Variants in PPP6C observed in about 807,000 individuals in gnomAD.
PPP6C encodes the protein serine/threonine-protein phosphatase 6 catalytic subunit.
A neutral mutation model predicts 39.8 loss-of-function variants in PPP6C; 11 were observed. The observed-to-expected ratio is 0.28, with a 90% CI of 0.17 to 0.46. The LOEUF is 0.46. PPP6C is among the 20% of genes least tolerant of loss of function. The pLI is 1.00. For missense variants in PPP6C, 211 were observed against 373.9 expected, an observed-to-expected ratio of 0.56 and a Z score of 3.59; for synonymous variants, 129 against 130.3, an observed-to-expected ratio of 0.99 and a Z score of 0.07.
Position 125,149,307 on chromosome 9 carries a change from G to A in PPP6C, c.*366C>T, listed in dbSNP as rs1835880914. 1 of 169,238 alleles carries A rather than the reference G, an allele frequency of 5.9e-6. No individual in the cohort carries two copies. The highest frequency in any genetic ancestry group is 6.1e-5 in the Admixed American group (1 of 16,334). 10.5% of individuals were successfully genotyped at this position (169,238 alleles called of 1,614,324 possible). A position where few individuals can be genotyped will look rare whatever the true frequency, so the allele number is the denominator to read the frequency against. The stretch of plus-strand genomic sequence containing the variant: ...ACCAAACTAAAACAAAAGGCTGAAT[G>A]ATACAAAAGGAGGAGTATTTAGGTG... On this transcript the variant is annotated 3_prime_UTR_variant, in exon 7 of 7. Coordinates refer to ENST00000373547, the MANE Select transcript of PPP6C (RefSeq NM_002721.5).
intron 1 of PPP6C, 164 bp downstream of exon 1, chr9:125,189,480 C>T: frequency 4.8e-6 from 7 of 1,448,164 alleles, no homozygotes; most frequent in Non-Finnish European, 6.4e-6. Context: ...CGACTCGGCT[C>T]GCGAGACCCT....
chr9:125,184,784 C>A (rs969347387), intron 1 of PPP6C, among the ~76,000 whole-genome samples: 2 of 151,754 alleles, frequency 1.3e-5, no homozygotes, highest in Non-Finnish European at 2.9e-5. Context: ...ACCAGCCTGG[C>A]CAACATGGTG....
intron 1 of PPP6C, among the ~76,000 whole-genome samples, chr9:125,172,928 G>A (rs1829207741): frequency 6.6e-6 from 1 of 152,078 alleles, no homozygotes; most frequent in African/African-American, 2.4e-5. Context: ...GGGGAAAACT[G>A]GGTTATTTTG....
At chr9:125,159,264 G>A (rs1828798997) in intron 3 of PPP6C, among the ~76,000 whole-genome samples, 2 of 148,098 alleles carry the variant, frequency 1.4e-5, no homozygotes, top group African/African-American at 5.0e-5. Flanking sequence ...GGTCAGGCTG[G>A]TCTCAAACTC....
rs190215396 is a variant in PPP6C, at chr9:125,146,838, G to A, written c.*2835C>T. The A allele has an allele frequency of 6.6e-6, 1 of 152,308 alleles. No homozygotes were observed. Among genetic ancestry groups the A allele is most frequent in the East Asian group, 1.9e-4 (1 of 5,186 alleles). 9.4% of individuals were successfully genotyped at this position (152,308 alleles called of 1,614,324 possible). A position where few individuals can be genotyped will look rare whatever the true frequency, so the allele number is the denominator to read the frequency against. Reference sequence around the variant, plus strand: ...ACAATTTCCTGGAAGCTGATGGAAAGTGATTCTATTTCTGACAATGAAAGA... The same window carrying A: ...ACAATTTCCTGGAAGCTGATGGAAAATGATTCTATTTCTGACAATGAAAGA... On this transcript the variant is annotated 3_prime_UTR_variant, in exon 7 of 7. Coordinates refer to ENST00000373547, the MANE Select transcript of PPP6C (RefSeq NM_002721.5).
chr9:125,166,197 A>G (rs1312923299), intron 2 of PPP6C, among the ~76,000 whole-genome samples: 1 of 152,204 alleles, frequency 6.6e-6, no homozygotes, highest in Non-Finnish European at 1.5e-5. Flanking sequence ...TGCATTTTAT[A>G]TCATCAAAAA....
intron 2 of PPP6C, among the ~76,000 whole-genome samples, chr9:125,168,964 T>C (rs1361243484): frequency 1.3e-5 from 2 of 151,946 alleles, no homozygotes; most frequent in Non-Finnish European, 2.9e-5. Context: ...TTTCACCATG[T>C]TGGCTAGGCT....
At chr9:125,153,449 A>AAG (rs1181709242) in intron 6 of PPP6C, 84 bp downstream of exon 6, 1 of 1,298,818 alleles carries the variant, frequency 7.7e-7, no homozygotes, top group East Asian at 2.5e-5. Context: ...GCTAGACTAC[A>AAG]AGTTTGTTAT....
In PPP6C at chr9:125,149,863, C is replaced by G. The variant is rs1835894918; in HGVS notation, c.728G>C (p.Gly243Ala). 6.2e-7 allele frequency: 1 copy of G among 1,614,128 alleles called. No individual in the cohort carries two copies. The highest frequency in any genetic ancestry group is 8.5e-7 in the Non-Finnish European group (1 of 1,180,022). The change falls in exon 7 of 7, where the codon GGC (glycine) becomes GCC (alanine). Residue 243 changes from glycine (G) to alanine (A), a missense_variant. Gly to Ala is a moderately conservative substitution (Grantham distance 60). Around this residue, in one of 2 missense-constraint regions of PPP6C, gnomAD observed 168 missense variants for 342.6 expected, o/e 0.49. Coordinates refer to ENST00000373547, the MANE Select transcript of PPP6C (RefSeq NM_002721.5). The part of the protein sequence containing the change: ...ICRAHQLVHE[G>A]YKFMFDEKLV... The stretch of plus-strand genomic sequence containing the variant: ...CTTCTCATCAAACATAAATTTATAG[C>G]CTTCGTGCACTAGTTGATGTGCTCT...
chr9:125,160,458 A>G (rs1174748607), intron 3 of PPP6C, among the ~76,000 whole-genome samples: 1 of 152,212 alleles, frequency 6.6e-6, no homozygotes, highest in African/African-American at 2.4e-5. Context: ...TAATTGAATC[A>G]TGGGGGCAAG....
rs1447513890 is a variant in PPP6C at position 125,149,671 on chromosome 9, C to T, written c.*2G>A. On this transcript the variant is annotated 3_prime_UTR_variant, in exon 7 of 7. Transcript: ENST00000373547. ...AATGGGTCAGCAGGATGGGCGAAGG[C>T]CTCAAAGGAAATATGGCGTTGTCGT... 1 of 1,613,362 alleles carries T rather than the reference C, an allele frequency of 6.2e-7. No individual in the cohort carries two copies. The highest frequency in any genetic ancestry group is 8.5e-7 in the Non-Finnish European group (1 of 1,179,408).
At chr9:125,164,356 A>G (rs989197777) in intron 2 of PPP6C, among the ~76,000 whole-genome samples, 9 of 149,390 alleles carry the variant, frequency 6.0e-5, no homozygotes, top group African/African-American at 2.0e-4. Flanking sequence ...CCTCCCAAGT[A>G]GCTGGGACTA....
intron 2 of PPP6C, among the ~76,000 whole-genome samples, chr9:125,162,608 C>T (rs1235464080): frequency 1.3e-5 from 2 of 150,902 alleles, no homozygotes; most frequent in African/African-American, 4.9e-5. Flanking sequence ...CCTGTCTCTA[C>T]TAAAAATACA....
At chr9:125,188,990 G>A (rs1310416671) in intron 1 of PPP6C, 1 of 1,428,196 alleles carries the variant, frequency 7.0e-7, no homozygotes, top group Non-Finnish European at 9.6e-7. Context: ...TGTATTTATT[G>A]AGAACCAACT....
At chr9:125,172,745 A>G (rs1262605763) in intron 1 of PPP6C, among the ~76,000 whole-genome samples, 2 of 144,508 alleles carry the variant, frequency 1.4e-5, no homozygotes, top group Non-Finnish European at 2.9e-5. Flanking sequence ...ACACACACAC[A>G]CACACAAACA....
At chr9:125,154,069 A>G in intron 4 of PPP6C, 84 bp from the exon 5 acceptor site, 1 of 1,055,112 alleles carries the variant, frequency 9.5e-7, no homozygotes, top group Non-Finnish European at 1.4e-6. Context: ...AGCCTTCAGT[A>G]CAACAGAAAT....
At chr9:125,156,216 T>A (rs1836069662) in intron 4 of PPP6C, among the ~76,000 whole-genome samples, 1 of 152,148 alleles carries the variant, frequency 6.6e-6, no homozygotes, top group East Asian at 1.9e-4. Flanking sequence ...AACAATAAAT[T>A]CTCAAAATTT....
chr9:125,172,726 C>CACACAA (rs1231090264), intron 1 of PPP6C, among the ~76,000 whole-genome samples: 18 of 126,652 alleles, frequency 1.4e-4, no homozygotes, highest in African/African-American at 8.3e-4. Flanking sequence ...CACAAACACA[C>CACACAA]ACACACACAC....
At chr9:125,185,751 G>A (rs764807733) in intron 1 of PPP6C, among the ~76,000 whole-genome samples, 13 of 151,906 alleles carry the variant, frequency 8.6e-5, no homozygotes, top group African/African-American at 1.7e-4. Flanking sequence ...TTGGGAGGCC[G>A]AGGTGGGTGC....
Sources: allele counts gnomAD v4.1 joint callset (sites outside exome capture counted in the v4.1 genomes callset), GRCh38; gene constraint gnomAD v4.1.1; regional missense constraint gnomAD v4.1.1; transcripts MANE v1.5; gene names NCBI Gene and HGNC (gene_info 2026-07-23, HGNC 2026-07-21).